Variants in OCA2 observed in about 807,000 individuals in gnomAD.
The protein encoded by OCA2 is OCA2 melanosomal transmembrane protein.
A neutral mutation model predicts 100.2 loss-of-function variants in OCA2; 77 were observed. That is an observed-to-expected ratio of 0.77 (90% CI 0.64 to 0.93). The LOEUF (loss-of-function observed/expected upper bound fraction) is 0.93. OCA2 is among the 40% of genes least tolerant of loss of function. The probability of loss-of-function intolerance (pLI) is 0.00; values close to 1 mark genes in which losing one functional copy is unlikely to be tolerated. For synonymous variants in OCA2, 432 were observed against 439.2 expected (o/e 0.98, Z 0.21); for missense variants, 1,062 against 1,089.1 (o/e 0.98, Z 0.35).
intron 19 of OCA2, among the ~76,000 whole-genome samples, chr15:27,881,300 G>A (rs1489105206): frequency 5.3e-5 from 8 of 150,960 alleles, no homozygotes; most frequent in Non-Finnish European, 1.2e-4. Context: ...GTTTTCATCA[G>A]GGATATTGGC....
At chr15:27,736,188 A>C in the OCA2 span, among the ~76,000 whole-genome samples, 1 of 152,254 alleles carries the variant, frequency 6.6e-6, no homozygotes, top group African/African-American at 2.4e-5. Context: ...TATTATTTTG[A>C]AATTGTGTAT....
chr15:27,827,573 T>C lies in OCA2; in HGVS notation c.2432+17386A>G, dbSNP rs572518659. ...TCATTTAAGGAAAAAAAAAAACACA[T>C]TAGGTTGAGAAAAATACAACAGAAA... On this transcript the variant is annotated intron_variant, in intron 23 of 23. Coordinates refer to ENST00000354638, the MANE Select transcript of OCA2 (RefSeq NM_000275.3). Among the ~76,000 whole-genome samples the C allele has an allele frequency of 7.9e-5, 12 of 152,014 alleles. No individual in the cohort carries two copies. The South Asian group carries it at 2.3e-3, about 29-fold the overall frequency.
chr15:27,905,855 A>C (rs1257772477), intron 19 of OCA2, among the ~76,000 whole-genome samples: 1 of 152,216 alleles, frequency 6.6e-6, no homozygotes, highest in East Asian at 1.9e-4. Flanking sequence ...TCTGAAAATA[A>C]CCATGAAGCA....
rs563310206 is a variant in OCA2 at position 27,763,623 on chromosome 15, C to T, written c.2433-8151G>A. ...TGCGATGCCGGTGTGATGGAGATGT[C>T]CCTGGCTATGGTAGGGCCCTTCCTG... On this transcript the variant is annotated intron_variant, in intron 23 of 23. Coordinates refer to ENST00000354638, the MANE Select transcript of OCA2 (RefSeq NM_000275.3). Among the ~76,000 whole-genome samples, 8 of 152,280 alleles carry T rather than the reference C, an allele frequency of 5.3e-5. 1 individual carries two copies. In the South Asian group the frequency reaches 1.7e-3, roughly 32 times the overall value.
intron 14 of OCA2, among the ~76,000 whole-genome samples, chr15:27,983,130 T>G (rs2041221912): frequency 1.3e-5 from 2 of 152,224 alleles, no homozygotes; most frequent in Admixed American, 1.3e-4. Flanking sequence ...CTTTAAAAAC[T>G]GATCAGAATG....
In OCA2 at chr15:28,022,591, G is replaced by A. The variant is rs149992727; in HGVS notation, c.574-18C>T. 1,575 of 1,593,828 alleles carry A rather than the reference G, an allele frequency of 9.9e-4. 11 individuals are homozygous for A. In the African/African-American group the frequency reaches 0.018, roughly 18 times the overall value. On this transcript the variant is annotated intron_variant, in intron 5 of 23. Coordinates refer to ENST00000354638, the MANE Select transcript of OCA2 (RefSeq NM_000275.3). Reference sequence around the variant, plus strand: ...AACAAAATCTGTAACAATCAGAAACGTTGAATGACAGAGGTGTGGTATGAG... The same window carrying A: ...AACAAAATCTGTAACAATCAGAAACATTGAATGACAGAGGTGTGGTATGAG...
chr15:27,942,674 A>G (rs929456703), intron 18 of OCA2, among the ~76,000 whole-genome samples: 1 of 152,202 alleles, frequency 6.6e-6, no homozygotes, highest in African/African-American at 2.4e-5. Context: ...TGTGAATTCT[A>G]TATCTCCATT....
chr15:27,834,416 C>G (rs1362078569), intron 23 of OCA2, among the ~76,000 whole-genome samples: 3 of 152,204 alleles, frequency 2.0e-5, no homozygotes, highest in African/African-American at 4.8e-5. Context: ...CTTTATAATA[C>G]CCTTTAAAAT....
intron 9 of OCA2, among the ~76,000 whole-genome samples, chr15:27,997,226 A>AAAGG (rs1474937866): frequency 3.4e-5 from 4 of 118,274 alleles, no homozygotes; most frequent in African/African-American, 5.1e-5. Context: ...GGAAAGAAAG[A>AAAGG]AAGGAAGGAA....
At chr15:27,878,172 A>G (rs2036867723) in intron 19 of OCA2, among the ~76,000 whole-genome samples, 1 of 151,992 alleles carries the variant, frequency 6.6e-6, no homozygotes, top group African/African-American at 2.4e-5. Context: ...TGTCATACAT[A>G]TTACATCTAT....
At chr15:27,955,715 C>T (rs1165386371) in intron 16 of OCA2, among the ~76,000 whole-genome samples, 2 of 151,600 alleles carry the variant, frequency 1.3e-5, no homozygotes, top group Non-Finnish European at 2.9e-5. Context: ...AATCCTAGGA[C>T]TTTGGGGGGC....
chr15:28,083,839 G>A (rs936277368), intron 1 of OCA2, among the ~76,000 whole-genome samples: 1 of 152,124 alleles, frequency 6.6e-6, no homozygotes, highest in South Asian at 2.1e-4. Flanking sequence ...TATGTAACTG[G>A]TCCTGCTGAG....
At chr15:27,925,412 C>CA (rs1286210129) in intron 19 of OCA2, among the ~76,000 whole-genome samples, 1 of 152,072 alleles carries the variant, frequency 6.6e-6, no homozygotes, top group Non-Finnish European at 1.5e-5. Context: ...AATTAAAAGT[C>CA]AAAAACATAA....
At chr15:28,095,715 CAA>C (rs113766832) in intron 1 of OCA2, among the ~76,000 whole-genome samples, 160 of 98,104 alleles carry the variant, frequency 1.6e-3, no homozygotes, top group African/African-American at 4.2e-3. Flanking sequence ...GAAACTGTCT[CAA>C]AAAAAAAAAA....
chr15:27,957,518 G>A lies in OCA2; in HGVS notation c.1784+70C>T, dbSNP rs1167442249. 3.2e-6 allele frequency: 5 copies of A among 1,557,274 alleles called. No individual in the cohort carries two copies. The African/African-American group carries it at 4.1e-5, about 13-fold the overall frequency. On this transcript the variant is annotated intron_variant, in intron 16 of 23. Coordinates refer to ENST00000354638, the MANE Select transcript of OCA2 (RefSeq NM_000275.3). This position sits in a 1 kb window ranked among gnomAD's most constrained non-coding sequence, Gnocchi z 4.3. ...CACGTATTAGTATACAGCTAATGTC[G>A]CTATTTTGTAGGCCCATGGAATGTT...
chr15:27,857,289 C>G (rs1006841476), intron 21 of OCA2, among the ~76,000 whole-genome samples: 3 of 152,056 alleles, frequency 2.0e-5, no homozygotes, highest in African/African-American at 7.3e-5. Context: ...ATTGAGGAAG[C>G]CGAAGAAAGG....
intron 2 of OCA2, among the ~76,000 whole-genome samples, chr15:28,034,607 C>G (rs1437784563): frequency 6.6e-6 from 1 of 152,124 alleles, no homozygotes; most frequent in African/African-American, 2.4e-5. Flanking sequence ...AAAACCCTGT[C>G]TCTAAAAAAA....
the OCA2 span, among the ~76,000 whole-genome samples, chr15:27,719,229 T>C: frequency 2.0e-5 from 3 of 152,198 alleles, no homozygotes. Context: ...CAGGGTTGGT[T>C]TCTCCTAGGT....
chr15:27,991,377 T>C (rs2041549367), intron 9 of OCA2, among the ~76,000 whole-genome samples: 1 of 152,184 alleles, frequency 6.6e-6, no homozygotes, highest in African/African-American at 2.4e-5. Flanking sequence ...AACTGGAAAC[T>C]TTCCAAATGT....
Sources: allele counts gnomAD v4.1 joint callset (sites outside exome capture counted in the v4.1 genomes callset), GRCh38; gene constraint gnomAD v4.1.1; non-coding constraint Gnocchi (gnomAD v3.1); transcripts MANE v1.5; gene names NCBI Gene and HGNC (gene_info 2026-07-23, HGNC 2026-07-21).